Variants in CCM2 observed in about 807,000 individuals in gnomAD.
CCM2 encodes the protein CCM2 scaffold protein.
CCM2 carries 25 observed loss-of-function variants against 44.9 expected under a neutral mutation model. The ratio of observed to expected loss-of-function variants is 0.56; its 90% CI spans 0.41 to 0.78. The LOEUF (loss-of-function observed/expected upper bound fraction) is 0.78, where lower values mean the gene tolerates loss of function less well. CCM2 is among the 30% of genes least tolerant of loss of function. The pLI is 0.00. For synonymous variants in CCM2, 219 were observed against 241.1 expected, an observed-to-expected ratio of 0.91 and a Z score of 0.85; for missense variants, 481 against 580.6, an observed-to-expected ratio of 0.83 and a Z score of 1.76.
intron 1 of CCM2, among the ~76,000 whole-genome samples, chr7:45,003,088 T>C (rs1383396634): frequency 6.6e-6 from 1 of 152,178 alleles, no homozygotes; most frequent in African/African-American, 2.4e-5. Flanking sequence ...AATTCCTTTT[T>C]TTTTGAGATA....
intron 2 of CCM2, among the ~76,000 whole-genome samples, chr7:45,051,311 G>A (rs1188710430): frequency 6.6e-6 from 1 of 152,124 alleles, no homozygotes; most frequent in African/African-American, 2.4e-5. Flanking sequence ...TAAAGAAGAG[G>A]GGGCATCCTT....
At chr7:45,034,663 C>T (rs980034184) in intron 1 of CCM2, among the ~76,000 whole-genome samples, 6 of 150,782 alleles carry the variant, frequency 4.0e-5, no homozygotes, top group South Asian at 2.1e-4. Context: ...GGATTACAGG[C>T]GCCCGCCACC....
At chr7:45,030,305 T>C (rs751602151) in intron 1 of CCM2, among the ~76,000 whole-genome samples, 33 of 152,342 alleles carry the variant, frequency 2.2e-4, no homozygotes, top group South Asian at 1.5e-3. Flanking sequence ...GAATGAAGAA[T>C]GGTTGCCTGG....
intron 7 of CCM2, 69 bp downstream of exon 7, chr7:45,072,852 C>G (rs1438280468): frequency 1.5e-6 from 2 of 1,318,344 alleles, no homozygotes; most frequent in East Asian, 4.6e-5. Flanking sequence ...GTTGTCCAGG[C>G]TGCAGCCAGT....
chr7:45,067,904 G>A, intron 4 of CCM2: 1 of 184,142 alleles, frequency 5.4e-6, no homozygotes, highest in Non-Finnish European at 1.2e-5. Context: ...GCTTCCTGGG[G>A]ATTGGCCTCA....
chr7:45,065,898 G>A (rs953845848), intron 4 of CCM2, among the ~76,000 whole-genome samples: 1 of 152,246 alleles, frequency 6.6e-6, no homozygotes. Context: ...TTCTACCTTT[G>A]GACCCTGCGG....
intron 2 of CCM2, among the ~76,000 whole-genome samples, chr7:45,051,401 A>T (rs978755221): frequency 6.6e-6 from 1 of 151,794 alleles, no homozygotes; most frequent in Non-Finnish European, 1.5e-5. Context: ...TTATTTATTT[A>T]TTTATTTATT....
intron 2 of CCM2, among the ~76,000 whole-genome samples, chr7:45,055,368 A>T (rs556686480): frequency 6.6e-6 from 1 of 152,180 alleles, no homozygotes; most frequent in African/African-American, 2.4e-5. Context: ...ATTAGATGAA[A>T]TTTTTTATTG....
chr7:45,020,111 T>C (rs1305107151), intron 1 of CCM2, among the ~76,000 whole-genome samples: 1 of 152,190 alleles, frequency 6.6e-6, no homozygotes, highest in African/African-American at 2.4e-5. Context: ...CAGCTTTTTT[T>C]TCTCTGCTCC....
rs780873998 is a variant in CCM2, at chr7:45,073,456, G to A, written c.804-4G>A. On this transcript the variant is annotated splice_region_variant and splice_polypyrimidine_tract_variant and intron_variant, in intron 7 of 9. Transcript: ENST00000258781. ...ACCCGCTCACATACCACATTCTTTC[G>A]CAGCTGCTTCCCTGAATCTGTGGAT... is the stretch of plus-strand genomic sequence containing the variant. 17 of 1,611,416 alleles carry A rather than the reference G, an allele frequency of 1.1e-5. No individual in the cohort carries two copies. Among genetic ancestry groups the A allele is most frequent in the East Asian group, 2.2e-5 (1 of 44,876 alleles).
rs746014166 is a variant in CCM2, at chr7:45,038,352, A to G, written c.130A>G (p.Thr44Ala). The G allele has an allele frequency of 6.2e-7, 1 of 1,614,180 alleles. No individual in the cohort carries two copies. Among genetic ancestry groups the G allele is most frequent in the Non-Finnish European group, 8.5e-7 (1 of 1,180,014 alleles). The stretch of plus-strand genomic sequence containing the variant: ...GGTGACAGAGAGGCGCCCTCTGCAC[A>G]CTGTGGTGTTGTCATTGCCTGAGCG... ...EKVTERRPLH[T>A]VVLSLPERVE... The change falls in exon 2 of 10, where the codon ACT becomes GCT. Residue 44 changes from threonine (T) to alanine (A), a missense_variant. Transcript: ENST00000258781.
chr7:45,025,985 C>T (rs1032273947), intron 1 of CCM2, among the ~76,000 whole-genome samples: 2 of 152,180 alleles, frequency 1.3e-5, no homozygotes, highest in African/African-American at 4.8e-5. Flanking sequence ...GTGGGGATCA[C>T]TGTGTTTGTG....
At chr7:45,031,297 G>A (rs557397980) in intron 1 of CCM2, among the ~76,000 whole-genome samples, 20 of 149,664 alleles carry the variant, frequency 1.3e-4, no homozygotes, top group African/African-American at 4.4e-4. Context: ...CAGGAGAATC[G>A]CTTGAGCCCG....
intron 2 of CCM2, among the ~76,000 whole-genome samples, chr7:45,057,407 C>T (rs774792019): frequency 2.0e-5 from 3 of 152,078 alleles, no homozygotes; most frequent in Non-Finnish European, 2.9e-5. Flanking sequence ...GTGATCCACC[C>T]GCCTCGGCCT....
intron 1 of CCM2, among the ~76,000 whole-genome samples, chr7:45,034,894 A>G (rs1429154472): frequency 2.6e-5 from 4 of 151,270 alleles, no homozygotes; most frequent in Non-Finnish European, 5.9e-5. Flanking sequence ...CTGGAGTGCA[A>G]TGGCATGATC....
At chr7:45,017,545 C>T (rs1796314565) in intron 1 of CCM2, among the ~76,000 whole-genome samples, 1 of 152,182 alleles carries the variant, frequency 6.6e-6, no homozygotes, top group Non-Finnish European at 1.5e-5. Context: ...GCAGTTAGAA[C>T]AGAGTTGATC....
In CCM2 at chr7:45,018,581, CAA is replaced by C. The variant is rs371316191; in HGVS notation, c.30+18219_30+18220del. Among the ~76,000 whole-genome samples the C allele has an allele frequency of 1.8e-3, 269 of 152,036 alleles. 1 individual carries two copies. The highest frequency in any genetic ancestry group is 6.1e-3 in the African/African-American group (254 of 41,478). ...TCACCATGTTGATGGGGCTGGTCTT[CAA>C]CTCCTGACCTCCAGTGATCTGCCTG... is the stretch of plus-strand genomic sequence containing the variant. On this transcript the variant is annotated intron_variant, in intron 1 of 9. Coordinates refer to ENST00000258781, the MANE Select transcript of CCM2 (RefSeq NM_031443.4).
chr7:45,051,561 CTAAT>C (rs1341047099), intron 2 of CCM2, among the ~76,000 whole-genome samples: 4 of 151,064 alleles, frequency 2.6e-5, no homozygotes, highest in African/African-American at 9.7e-5. Flanking sequence ...CCACGCCTGG[CTAAT>C]TTATTTATTT....
At chr7:45,049,406 A>G (rs1157696546) in intron 2 of CCM2, among the ~76,000 whole-genome samples, 1 of 152,246 alleles carries the variant, frequency 6.6e-6, no homozygotes, top group African/African-American at 2.4e-5. Context: ...CAGTCTGTCC[A>G]TATATGAGCT....
Sources: gnomAD v4.1 joint callset for allele counts (sites outside exome capture counted in the v4.1 genomes callset) on GRCh38, gnomAD v4.1.1 for gene constraint, MANE v1.5 for transcripts, NCBI Gene and HGNC (gene_info 2026-07-23, HGNC 2026-07-21) for gene names.